Variants in ACYP2 observed in about 807,000 individuals in gnomAD.
ACYP2 encodes the protein acylphosphatase-2.
ACYP2 carries 12 observed loss-of-function variants against 11.2 expected under a neutral mutation model. The ratio of observed to expected loss-of-function variants is 1.08; its 90% confidence interval spans 0.69 to 1.74. ACYP2 has a LOEUF of 1.74. Among genes scored for constraint, ACYP2 ranks in the 40% most tolerant of loss-of-function variants. The pLI is 0.00. For missense variants in ACYP2, 134 were observed against 101.9 expected, an observed-to-expected ratio of 1.31 and a Z score of -1.35; for synonymous variants, 43 against 32.2, an observed-to-expected ratio of 1.33 and a Z score of -1.13.
At chr2:54,210,868 G>A (rs956544391) in intron 6 of ACYP2, among the ~76,000 whole-genome samples, 1 of 152,074 alleles carries the variant, frequency 6.6e-6, no homozygotes, top group African/African-American at 2.4e-5. Context: ...ATAGGCATCT[G>A]ATGCAATTGC....
chr2:54,285,018 G>A lies in ACYP2; in HGVS notation c.405-19670G>A, dbSNP rs56764163. ...TAAATTTACTGCTCACAGGTCTGGA[G>A]GCTGGGAAGTTCACGATCAAGGCAC... On this transcript the variant is annotated intron_variant, in intron 6 of 6. Coordinates refer to ENST00000607452, the MANE Select transcript of ACYP2 (RefSeq NM_001320586.2). 7.8e-3 allele frequency among the ~76,000 whole-genome samples: 1,184 copies of A among 152,308 alleles called. 20 individuals are homozygous for A. Among genetic ancestry groups the A allele is most frequent in the African/African-American group, 0.027 (1,128 of 41,558 alleles).
intron 6 of ACYP2, among the ~76,000 whole-genome samples, chr2:54,274,245 G>A (rs1040886239): frequency 5.3e-5 from 8 of 152,136 alleles, no homozygotes; most frequent in African/African-American, 1.2e-4. Flanking sequence ...ATCAGATCTC[G>A]TGAGACTTAC....
chr2:54,141,942 A>G (rs1263697856), intron 6 of ACYP2: 17 of 592,140 alleles, frequency 2.9e-5, no homozygotes, highest in Non-Finnish European at 5.3e-5. Context: ...GGCTCAAGTG[A>G]TCTTCCCACG....
intron 4 of ACYP2, chr2:54,065,631 G>A: frequency 5.0e-6 from 2 of 397,370 alleles, no homozygotes; most frequent in Non-Finnish European, 8.9e-6. Context: ...AGCCATTTTA[G>A]AGAAGCCAGA....
intron 6 of ACYP2, among the ~76,000 whole-genome samples, chr2:54,207,166 C>T (rs1411352370): frequency 3.2e-5 from 2 of 63,132 alleles, no homozygotes; most frequent in African/African-American, 5.8e-5. Context: ...ATATATACAA[C>T]ATGTATATGT....
At chr2:54,115,790 G>C (rs780198282) in intron 4 of ACYP2, 34 bp downstream of exon 1, 2 of 1,561,026 alleles carry the variant, frequency 1.3e-6, no homozygotes, top group Non-Finnish European at 1.7e-6. Context: ...AGATCAAAAA[G>C]GTTATGGGAG....
intron 6 of ACYP2, among the ~76,000 whole-genome samples, chr2:54,150,541 C>T (rs999854333): frequency 5.3e-5 from 8 of 152,124 alleles, no homozygotes; most frequent in South Asian, 2.1e-4. Context: ...CCTGCCTCAG[C>T]CTCCTGAGTA....
intron 4 of ACYP2, among the ~76,000 whole-genome samples, chr2:54,061,702 C>A (rs988698339): frequency 1.1e-4 from 17 of 152,138 alleles, no homozygotes; most frequent in Non-Finnish European, 2.1e-4. Context: ...CCTACAGCTG[C>A]TGTAACAAAT....
At chr2:54,296,302 C>T (rs974398932) in intron 6 of ACYP2, among the ~76,000 whole-genome samples, 8 of 152,086 alleles carry the variant, frequency 5.3e-5, no homozygotes, top group East Asian at 1.9e-4. Flanking sequence ...GCAATAAATG[C>T]GTGGTGCTTA....
At chr2:54,045,958 C>T (rs13412737) in intron 2 of ACYP2, among the ~76,000 whole-genome samples, 1 of 151,898 alleles carries the variant, frequency 6.6e-6, no homozygotes, top group African/African-American at 2.4e-5. Flanking sequence ...ATTGCTTCAG[C>T]TCAGGAGCTC....
At chr2:54,212,620 A>G (rs1363935668) in intron 6 of ACYP2, among the ~76,000 whole-genome samples, 1 of 152,222 alleles carries the variant, frequency 6.6e-6, no homozygotes, top group African/African-American at 2.4e-5. Context: ...AGCTTATTGA[A>G]TGTGACCCAG....
chr2:54,213,816 G>A (rs2103935769), intron 6 of ACYP2, among the ~76,000 whole-genome samples: 1 of 151,618 alleles, frequency 6.6e-6, no homozygotes, highest in East Asian at 1.9e-4. Flanking sequence ...CAGGCAGGCT[G>A]GAGTGCAGTG....
intron 4 of ACYP2, among the ~76,000 whole-genome samples, chr2:54,117,434 A>G (rs575281831): frequency 4.3e-4 from 66 of 152,180 alleles, no homozygotes; most frequent in Non-Finnish European, 7.3e-4. Flanking sequence ...AGCTGGGACT[A>G]CAGGCTCATG....
intron 2 of ACYP2, chr2:54,029,880 C>A: frequency 3.8e-6 from 1 of 265,020 alleles, no homozygotes. Context: ...TTCCCAGAAC[C>A]AAGCCGGGTC....
At chr2:53,974,394 G>A (rs1671362313) in intron 2 of ACYP2, among the ~76,000 whole-genome samples, 1 of 152,152 alleles carries the variant, frequency 6.6e-6, no homozygotes, top group Non-Finnish European at 1.5e-5. Context: ...TGCAGATGCT[G>A]GAATGTTTGG....
At chr2:54,117,048 C>T (rs1679850873) in intron 4 of ACYP2, among the ~76,000 whole-genome samples, 1 of 152,130 alleles carries the variant, frequency 6.6e-6, no homozygotes, top group Admixed American at 6.5e-5. Flanking sequence ...AGGTTGTTTA[C>T]TGAAACTAGA....
chr2:54,205,084 T>G (rs1235775656), intron 6 of ACYP2, among the ~76,000 whole-genome samples: 5 of 152,216 alleles, frequency 3.3e-5, no homozygotes, highest in African/African-American at 9.6e-5. Flanking sequence ...TTGTAAAAGT[T>G]GCCTATCTCT....
At chr2:54,014,071 T>A (rs966459778) in intron 2 of ACYP2, among the ~76,000 whole-genome samples, 4 of 151,510 alleles carry the variant, frequency 2.6e-5, no homozygotes, top group African/African-American at 9.7e-5. Context: ...GGCAGGGGAA[T>A]CGCTTGAACC....
intron 2 of ACYP2, among the ~76,000 whole-genome samples, chr2:54,033,963 TTATGTGTCACATA>T (rs1161637667): frequency 6.6e-6 from 1 of 152,208 alleles, no homozygotes; most frequent in African/African-American, 2.4e-5. Flanking sequence ...GGAAATACAG[TTATGTGTCACATA>T]ATGACATTTT....
Sources: gnomAD v4.1 joint callset for allele counts (sites outside exome capture counted in the v4.1 genomes callset) on GRCh38, gnomAD v4.1.1 for gene constraint, MANE v1.5 for transcripts, NCBI Gene and HGNC (gene_info 2026-07-23, HGNC 2026-07-21) for gene names.